ACBD3: variants seen among roughly 807,000 people sequenced by gnomAD.
The protein encoded by ACBD3 is acyl-CoA binding domain containing 3, also known as Golgi resident protein GCP60.
Under a neutral mutation model 66.9 loss-of-function variants are expected in ACBD3, and 30 were observed. The ratio of observed to expected loss-of-function variants is 0.45; its 90% CI spans 0.34 to 0.61. The LOEUF (loss-of-function observed/expected upper bound fraction) is 0.61, where lower values mean the gene tolerates loss of function less well. ACBD3 is among the 20% of genes least tolerant of loss of function. The pLI is 0.02. For missense variants in ACBD3, 544 were observed against 664.5 expected, an observed-to-expected ratio of 0.82 and a Z score of 1.99; for synonymous variants, 278 against 259.8, an observed-to-expected ratio of 1.07 and a Z score of -0.68.
intron 1 of ACBD3, among the ~76,000 whole-genome samples, chr1:226,167,825 G>C (rs953649726): frequency 6.6e-6 from 1 of 152,056 alleles, no homozygotes; most frequent in South Asian, 2.1e-4. Flanking sequence ...CATCCAAAAA[G>C]ATATTCAACC....
At chr1:226,184,639 A>C (rs191526544) in intron 1 of ACBD3, among the ~76,000 whole-genome samples, 35 of 152,324 alleles carry the variant, frequency 2.3e-4, no homozygotes, top group Non-Finnish European at 1.2e-4. Context: ...AGGTAACTAG[A>C]ATCCAGAGCT....
At chr1:226,151,931 T>C (rs1359010164) in intron 7 of ACBD3, among the ~76,000 whole-genome samples, 1 of 151,766 alleles carries the variant, frequency 6.6e-6, no homozygotes, top group East Asian at 1.9e-4. Context: ...CGCTTGAACC[T>C]AAGAGGCCGA....
chr1:226,172,153 C>A (rs2102786474), intron 1 of ACBD3, among the ~76,000 whole-genome samples: 2 of 292 alleles, frequency 6.8e-3, no homozygotes, highest in Non-Finnish European at 0.011. Context: ...AAAACTCCAT[C>A]TCAAAAAAAA....
chr1:226,155,751 G>A (rs1659659726), intron 5 of ACBD3, among the ~76,000 whole-genome samples: 1 of 152,172 alleles, frequency 6.6e-6, no homozygotes, highest in African/African-American at 2.4e-5. Context: ...ATTGAAAATT[G>A]TTAATCGTGT....
chr1:226,149,862 A>G (rs933991124), intron 7 of ACBD3, among the ~76,000 whole-genome samples: 1 of 151,786 alleles, frequency 6.6e-6, no homozygotes, highest in Non-Finnish European at 1.5e-5. Flanking sequence ...CTTTGTAAGT[A>G]CAGTAATTTG....
At position 226,157,011 on chromosome 1, in the gene ACBD3, T is replaced by C. The variant is rs200399164; in HGVS notation, c.903+2173A>G. 2.0e-5 allele frequency among the ~76,000 whole-genome samples: 3 copies of C among 152,242 alleles called. No individual in the cohort carries two copies. In the East Asian group the frequency reaches 5.8e-4, roughly 29 times the overall value. ...TATTTCCATACTCTCTTCCTGTTAT[T>C]AGGAAGTTTAAAAAAGCACAGAAAG... On this transcript the variant is annotated intron_variant, in intron 5 of 7. Transcript: ENST00000366812.
At chr1:226,174,638 G>A (rs1655977256) in intron 1 of ACBD3, among the ~76,000 whole-genome samples, 2 of 151,866 alleles carry the variant, frequency 1.3e-5, no homozygotes, top group Admixed American at 1.3e-4. Context: ...GGTGGTGCAC[G>A]CCCTGTAATC....
Position 226,154,726 on chromosome 1 carries a change from C to A in ACBD3, c.1011G>T (p.Gln337His). ...CGGAGCTGTCAGTGTGTGTTTTGGC[C>A]TGTCCATTAACTGACATCATATTAC... Reference protein sequence around the residue: ...VPSNMMSVNGQAKTHTDSSEK... With the variant: ...VPSNMMSVNGHAKTHTDSSEK... The change falls in exon 6 of 8, where the codon CAG becomes CAT. Residue 337 changes from glutamine (Q) to histidine (H), a missense_variant. Gln to His is a conservative substitution (Grantham distance 24, BLOSUM62 0). Transcript: ENST00000366812. The A allele has an allele frequency of 6.2e-7, 1 of 1,613,888 alleles. No individual in the cohort carries two copies. The highest frequency in any genetic ancestry group is 8.5e-7 in the Non-Finnish European group (1 of 1,179,888).
chr1:226,149,496 G>A (rs1489756320), intron 7 of ACBD3, among the ~76,000 whole-genome samples: 3 of 136,916 alleles, frequency 2.2e-5, no homozygotes, highest in Non-Finnish European at 4.6e-5. Flanking sequence ...CAAAGTGCTG[G>A]GATTACAGGT....
chr1:226,165,994 T>A lies in ACBD3; in HGVS notation c.293A>T (p.Asp98Val), dbSNP rs962346460. The change falls in exon 2 of 8, where the codon GAT becomes GTT. Residue 98 changes from aspartate to valine, a missense_variant. Asp to Val is a radical substitution (Grantham distance 152). Coordinates refer to ENST00000366812, the MANE Select transcript of ACBD3 (RefSeq NM_022735.4). ...GLALRFFKEK[D>V]GKAFHPTYEE... ...ATAAGTTGGATGAAATGCTTTGCCA[T>A]CTTTTTCTATAAGAAAAAGAAACAC... 6.2e-7 allele frequency: 1 copy of A among 1,601,110 alleles called. No homozygotes were observed. The highest frequency in any genetic ancestry group is 8.5e-7 in the Non-Finnish European group (1 of 1,176,964).
intron 1 of ACBD3, 52 bp downstream of exon 1, chr1:226,186,338 C>G (rs1051507037): frequency 1.4e-6 from 2 of 1,464,456 alleles, no homozygotes; most frequent in Non-Finnish European, 1.8e-6. Flanking sequence ...CAGCCCACGC[C>G]GGGCTCCCGG....
At chr1:226,162,463 T>C in intron 3 of ACBD3, among the ~76,000 whole-genome samples, 1 of 152,178 alleles carries the variant, frequency 6.6e-6, no homozygotes, top group East Asian at 1.9e-4. Context: ...GAAATTAAAA[T>C]TTTTTGTAAA....
At chr1:226,175,074 A>C (rs1413939050) in intron 1 of ACBD3, among the ~76,000 whole-genome samples, 28 of 149,010 alleles carry the variant, frequency 1.9e-4, no homozygotes, top group African/African-American at 6.2e-4. Flanking sequence ...GCCTGACAAA[A>C]GAGTGAGACT....
intron 1 of ACBD3, among the ~76,000 whole-genome samples, chr1:226,171,464 T>G (rs889530597): frequency 6.6e-6 from 1 of 151,222 alleles, no homozygotes; most frequent in Admixed American, 6.6e-5. Flanking sequence ...TCAGTACTTT[T>G]GGATGTTATT....
At chr1:226,179,418 G>A (rs1656122485) in intron 1 of ACBD3, among the ~76,000 whole-genome samples, 2 of 152,108 alleles carry the variant, frequency 1.3e-5, no homozygotes, top group South Asian at 4.1e-4. Flanking sequence ...TGGTGCAGAG[G>A]AGAGCAGGAC....
chr1:226,174,253 C>T (rs760795830), intron 1 of ACBD3, among the ~76,000 whole-genome samples: 2 of 152,100 alleles, frequency 1.3e-5, no homozygotes, highest in African/African-American at 4.8e-5. Context: ...GCATCATCCT[C>T]GGCTCTTGCA....
chr1:226,186,362 C>G (rs1333953813), intron 1 of ACBD3, 28 bp downstream of exon 1: 2 of 1,485,378 alleles, frequency 1.3e-6, no homozygotes, highest in Non-Finnish European at 9.0e-7. Flanking sequence ...CGGGCAGAAG[C>G]GGCGGGGGTG....
chr1:226,177,566 A>T (rs1041662040), intron 1 of ACBD3, among the ~76,000 whole-genome samples: 4 of 151,980 alleles, frequency 2.6e-5, no homozygotes, highest in Non-Finnish European at 4.4e-5. Context: ...ACCAGTATGA[A>T]CAGAGGAGTT....
intron 1 of ACBD3, among the ~76,000 whole-genome samples, chr1:226,184,019 G>A (rs546143548): frequency 1.3e-5 from 2 of 150,826 alleles, no homozygotes; most frequent in Non-Finnish European, 2.9e-5. Context: ...GTGAAACCTC[G>A]TCTCTACGAA....
Sources: gnomAD v4.1 joint callset for allele counts (sites outside exome capture counted in the v4.1 genomes callset) on GRCh38, gnomAD v4.1.1 for gene constraint, MANE v1.5 for transcripts, NCBI Gene and HGNC (gene_info 2026-07-23, HGNC 2026-07-21) for gene names.